SOX5: variants seen among roughly 807,000 people sequenced by gnomAD.
SOX5 encodes transcription factor SOX-5.
In SOX5, 9 loss-of-function variants were observed where a neutral mutation model predicts 92.0. That is an observed-to-expected ratio of 0.10 (90% confidence interval 0.06 to 0.17). The LOEUF is 0.17. SOX5 is among the 10% of genes least tolerant of loss of function. SOX5 has a pLI of 1.00. For synonymous variants in SOX5, 344 were observed against 336.3 expected, an observed-to-expected ratio of 1.02 and a Z score of -0.25; for missense variants, 642 against 944.5, an observed-to-expected ratio of 0.68 and a Z score of 4.20.
intron 1 of SOX5, among the ~76,000 whole-genome samples, chr12:24,378,996 G>A (rs1010020174): frequency 4.6e-5 from 7 of 152,122 alleles, no homozygotes; most frequent in Non-Finnish European, 8.8e-5. Context: ...AAACCAATAT[G>A]CCAACTGCAG....
intron 4 of SOX5, among the ~76,000 whole-genome samples, chr12:23,975,327 A>G (rs1340863921): frequency 6.6e-6 from 1 of 152,082 alleles, no homozygotes. Context: ...AATTTGATAT[A>G]TAATATGATA....
intron 4 of SOX5, among the ~76,000 whole-genome samples, chr12:24,016,291 T>C (rs960061972): frequency 1.3e-5 from 2 of 152,062 alleles, no homozygotes; most frequent in African/African-American, 2.4e-5. Flanking sequence ...GAATCATTCA[T>C]AAATGACAAC....
chr12:24,221,890 C>T (rs570638206), intron 3 of SOX5, among the ~76,000 whole-genome samples: 3 of 152,088 alleles, frequency 2.0e-5, no homozygotes, highest in African/African-American at 7.2e-5. Context: ...GTAAATAGCA[C>T]GATGGCATAC....
chr12:23,618,324 C>T (rs964127339), intron 8 of SOX5, among the ~76,000 whole-genome samples: 1 of 152,078 alleles, frequency 6.6e-6, no homozygotes, highest in Non-Finnish European at 1.5e-5. Context: ...ACAGTATTAT[C>T]AGAAAGAGTT....
chr12:23,852,269 C>G (rs926674734), intron 2 of SOX5, among the ~76,000 whole-genome samples: 10 of 152,020 alleles, frequency 6.6e-5, no homozygotes, highest in Non-Finnish European at 8.8e-5. Flanking sequence ...TTGGAAAAAC[C>G]TTACAAATTA....
At chr12:24,057,794 A>AT (rs775300883) in intron 4 of SOX5, among the ~76,000 whole-genome samples, 3 of 152,206 alleles carry the variant, frequency 2.0e-5, no homozygotes, top group Non-Finnish European at 2.9e-5. Context: ...GCATGTCAAT[A>AT]GTTCATTTGT....
At chr12:23,877,346 A>G (rs2096938588) in intron 2 of SOX5, among the ~76,000 whole-genome samples, 1 of 152,108 alleles carries the variant, frequency 6.6e-6, no homozygotes, top group African/African-American at 2.4e-5. Flanking sequence ...GTTCTTTAAA[A>G]GTTGAAAATA....
chr12:23,967,588 A>C (rs968231248), intron 4 of SOX5, among the ~76,000 whole-genome samples: 1 of 152,108 alleles, frequency 6.6e-6, no homozygotes, highest in Non-Finnish European at 1.5e-5. Context: ...TATCCTTGTG[A>C]TTTCAGAATA....
chr12:24,437,588 A>G lies in SOX5; in HGVS notation c.-250-68949T>C, dbSNP rs540314691. Among the ~76,000 whole-genome samples the G allele has an allele frequency of 5.9e-5, 9 of 152,360 alleles. No homozygotes were observed. In the East Asian group the frequency reaches 1.7e-3, roughly 29 times the overall value. On this transcript the variant is annotated intron_variant, in intron 1 of 4. Transcript: ENST00000446891. ...CTACAAAGAACTTAAACAAATTTAC[A>G]AGAAAAAACAAACAACCCCATCAAA...
intron 2 of SOX5, among the ~76,000 whole-genome samples, chr12:24,325,500 C>G (rs1950592548): frequency 6.6e-6 from 1 of 152,070 alleles, no homozygotes; most frequent in African/African-American, 2.4e-5. Context: ...CACAATGAGC[C>G]TTGATTTAGA....
intron 3 of SOX5, among the ~76,000 whole-genome samples, chr12:23,766,348 T>C (rs1053722026): frequency 1.3e-4 from 20 of 152,134 alleles, no homozygotes; most frequent in Admixed American, 1.2e-3. Context: ...ACTACATATT[T>C]TTCCAGCCAT....
chr12:24,306,440 A>G (rs1948577066), intron 2 of SOX5, among the ~76,000 whole-genome samples: 1 of 152,256 alleles, frequency 6.6e-6, no homozygotes, highest in Non-Finnish European at 1.5e-5. Flanking sequence ...CCATAAAAAA[A>G]GCAGAGAGCG....
chr12:23,594,336 G>A (rs912156377), intron 9 of SOX5, among the ~76,000 whole-genome samples: 11 of 151,764 alleles, frequency 7.2e-5, no homozygotes, highest in African/African-American at 2.4e-4. Flanking sequence ...ACTGTGCTAC[G>A]TGAGCACACA....
chr12:24,487,566 T>C (rs1042684490), intron 1 of SOX5, among the ~76,000 whole-genome samples: 9 of 152,208 alleles, frequency 5.9e-5, no homozygotes, highest in Admixed American at 2.6e-4. Flanking sequence ...TATTTGAATA[T>C]GTTAAATAGC....
intron 2 of SOX5, among the ~76,000 whole-genome samples, chr12:23,875,493 A>C (rs1229041768): frequency 6.6e-6 from 1 of 152,146 alleles, no homozygotes; most frequent in Non-Finnish European, 1.5e-5. Flanking sequence ...TTAGTAAAAA[A>C]GTTTCATTAT....
intron 6 of SOX5, among the ~76,000 whole-genome samples, chr12:23,728,524 C>T (rs532545706): frequency 3.9e-4 from 59 of 152,206 alleles, no homozygotes; most frequent in African/African-American, 1.4e-3. Context: ...TCACCTGTAA[C>T]ATTATTATGT....
chr12:24,473,084 C>T (rs943020103), intron 1 of SOX5, among the ~76,000 whole-genome samples: 1 of 151,986 alleles, frequency 6.6e-6, no homozygotes, highest in African/African-American at 2.4e-5. Flanking sequence ...ATCTTTATAT[C>T]CCCTGTTCCT....
At chr12:24,310,246 G>A (rs1026387258) in intron 2 of SOX5, among the ~76,000 whole-genome samples, 12 of 151,994 alleles carry the variant, frequency 7.9e-5, no homozygotes, top group African/African-American at 1.9e-4. Context: ...GCAAAATCAC[G>A]GATAAACAAT....
chr12:24,438,861 T>C (rs1013392133), intron 1 of SOX5, among the ~76,000 whole-genome samples: 1 of 152,218 alleles, frequency 6.6e-6, no homozygotes, highest in African/African-American at 2.4e-5. Context: ...GCTGTGAACA[T>C]TGTTGAAAAG....
Sources: allele counts gnomAD v4.1 joint callset (sites outside exome capture counted in the v4.1 genomes callset), GRCh38; gene constraint gnomAD v4.1.1; transcripts MANE v1.5; gene names NCBI Gene and HGNC (gene_info 2026-07-23, HGNC 2026-07-21).